TAFA4: variants seen among roughly 807,000 people sequenced by gnomAD.
The protein encoded by TAFA4 is chemokine-like protein TAFA-4.
A neutral mutation model predicts 21.1 loss-of-function variants in TAFA4; 20 were observed. The ratio of observed to expected loss-of-function variants is 0.95; its 90% CI spans 0.67 to 1.38. The LOEUF (loss-of-function observed/expected upper bound fraction) is 1.38. TAFA4 is among the 40% of genes most tolerant of loss of function. TAFA4 has a pLI of 0.00. For synonymous variants in TAFA4, 71 were observed against 67.4 expected, an observed-to-expected ratio of 1.05 and a Z score of -0.26; for missense variants, 211 against 180.9, an observed-to-expected ratio of 1.17 and a Z score of -0.95.
At chr3:68,861,097 G>C (rs1229586831) in intron 3 of TAFA4, among the ~76,000 whole-genome samples, 1 of 136,226 alleles carries the variant, frequency 7.3e-6, no homozygotes, top group East Asian at 2.2e-4. Context: ...TTCCTGAACA[G>C]TTTCCTAAAG....
intron 1 of TAFA4, among the ~76,000 whole-genome samples, chr3:68,931,201 C>T (rs1291088447): frequency 6.6e-6 from 1 of 152,162 alleles, no homozygotes; most frequent in Non-Finnish European, 1.5e-5. Context: ...ATCAACCTTG[C>T]TTGTCTCAGA....
chr3:68,869,819 TACC>T (rs550423140), intron 3 of TAFA4, among the ~76,000 whole-genome samples: 3 of 151,952 alleles, frequency 2.0e-5, no homozygotes, highest in Non-Finnish European at 2.9e-5. Context: ...TGCACAAATT[TACC>T]ACTTTTTTTC....
At chr3:68,885,385 G>C (rs2089660715) in intron 1 of TAFA4, 75 bp from the exon 2 acceptor site, 1 of 570,266 alleles carries the variant, frequency 1.8e-6, no homozygotes, top group Non-Finnish European at 3.1e-6. Flanking sequence ...ATTTCCAGTA[G>C]CAAAATAATG....
chr3:68,879,332 C>G (rs1399993684), intron 3 of TAFA4, among the ~76,000 whole-genome samples: 2 of 152,096 alleles, frequency 1.3e-5, no homozygotes, highest in African/African-American at 2.4e-5. Context: ...CAGCTGAGCA[C>G]TAAACTGGGA....
intron 1 of TAFA4, among the ~76,000 whole-genome samples, chr3:68,918,295 T>G (rs1331536761): frequency 1.3e-5 from 2 of 152,080 alleles, no homozygotes; most frequent in Non-Finnish European, 2.9e-5. Context: ...CAAATGACAC[T>G]GGAGAAAAAA....
chr3:68,920,843 G>C (rs1023492846), intron 1 of TAFA4, among the ~76,000 whole-genome samples: 13 of 151,814 alleles, frequency 8.6e-5, no homozygotes, highest in African/African-American at 3.1e-4. Context: ...AAAGACTATG[G>C]TTTTCTAAAA....
At chr3:68,911,635 G>A (rs775992299) in intron 1 of TAFA4, among the ~76,000 whole-genome samples, 2 of 152,148 alleles carry the variant, frequency 1.3e-5, no homozygotes, top group Middle Eastern at 3.2e-3. Flanking sequence ...TACCTAAATC[G>A]GAGAACAAAT....
chr3:68,873,211 AAGGT>A (rs1210971773), intron 3 of TAFA4, among the ~76,000 whole-genome samples: 1 of 152,030 alleles, frequency 6.6e-6, no homozygotes, highest in Admixed American at 6.6e-5. Context: ...AGTACAACAT[AAGGT>A]AGGAGAGGCT....
chr3:68,880,135 A>G (rs1397709462), intron 3 of TAFA4, among the ~76,000 whole-genome samples: 1 of 151,880 alleles, frequency 6.6e-6, no homozygotes, highest in Non-Finnish European at 1.5e-5. Flanking sequence ...AAAATCAGCA[A>G]TGCAGAGATA....
chr3:68,785,368 G>T (rs943895690), intron 3 of TAFA4, among the ~76,000 whole-genome samples: 1 of 152,226 alleles, frequency 6.6e-6, no homozygotes, highest in Non-Finnish European at 1.5e-5. Context: ...AGGGGGCTGC[G>T]CTCTCGTCGG....
At chr3:68,752,782 G>A (rs1456349586) in intron 4 of TAFA4, 81 bp downstream of exon 4, 8 of 1,569,798 alleles carry the variant, frequency 5.1e-6, no homozygotes, top group Non-Finnish European at 6.1e-6. Context: ...TCTTTGGGTT[G>A]CAAAGACAGT....
At chr3:68,740,933 C>A (rs1042832807) in intron 4 of TAFA4, among the ~76,000 whole-genome samples, 2 of 152,158 alleles carry the variant, frequency 1.3e-5, no homozygotes, top group Non-Finnish European at 2.9e-5. Context: ...TCTTGTCACC[C>A]TGTCAAAGAC....
intron 3 of TAFA4, among the ~76,000 whole-genome samples, chr3:68,848,436 G>A (rs1490006): frequency 0.32 from 48,807 of 152,002 alleles, 8,167 homozygotes; most frequent in Non-Finnish European, 0.37. Flanking sequence ...AGATATAACT[G>A]GAGTTTCCTG....
chr3:68,916,323 G>A (rs2090004753), intron 1 of TAFA4: 2 of 152,294 alleles, frequency 1.3e-5, no homozygotes, highest in South Asian at 4.1e-4. Flanking sequence ...TAATAGCCTT[G>A]ACAGTTTTCT....
At chr3:68,841,750 T>C (rs1277479550) in intron 3 of TAFA4, among the ~76,000 whole-genome samples, 2 of 151,668 alleles carry the variant, frequency 1.3e-5, no homozygotes, top group Non-Finnish European at 2.9e-5. Context: ...CCTGTGTCCG[T>C]GTGTTCTCAT....
At chr3:68,808,406 CT>C (rs1703751109) in intron 3 of TAFA4, among the ~76,000 whole-genome samples, 1 of 152,176 alleles carries the variant, frequency 6.6e-6, no homozygotes, top group African/African-American at 2.4e-5. Flanking sequence ...ATGTCTTCAT[CT>C]TATGCAAAAG....
intron 4 of TAFA4, among the ~76,000 whole-genome samples, chr3:68,742,289 G>A (rs190992471): frequency 1.1e-5 from 1 of 92,256 alleles, no homozygotes; most frequent in Non-Finnish European, 2.3e-5. Flanking sequence ...AGTACCAAAA[G>A]TCTTAGAGCA....
At chr3:68,818,986 T>C (rs6764924) in intron 3 of TAFA4, among the ~76,000 whole-genome samples, 101,389 of 152,086 alleles carry the variant, frequency 0.67, 34,272 homozygotes, top group East Asian at 0.98. Context: ...ATTGCAATAT[T>C]TAGGCTGGGT....
At chr3:68,777,594 A>G (rs1346832541) in intron 3 of TAFA4, among the ~76,000 whole-genome samples, 1 of 152,166 alleles carries the variant, frequency 6.6e-6, no homozygotes, top group Non-Finnish European at 1.5e-5. Context: ...GGAGGTATAG[A>G]TAATTAGTAA....
Sources: allele counts gnomAD v4.1 joint callset (sites outside exome capture counted in the v4.1 genomes callset), GRCh38; gene constraint gnomAD v4.1.1; transcripts MANE v1.5; gene names NCBI Gene and HGNC (gene_info 2026-07-23, HGNC 2026-07-21).